The following ITPR2 variants were observed in gnomAD, a reference collection of about 807,000 sequenced individuals.
ITPR2 encodes the protein inositol 1,4,5-trisphosphate receptor type 2.
In ITPR2, 207 loss-of-function variants were observed where a neutral mutation model predicts 317.1. That is an observed-to-expected ratio of 0.65 (90% CI 0.58 to 0.73). The LOEUF (loss-of-function observed/expected upper bound fraction) is 0.73, where lower values mean the gene tolerates loss of function less well. Among genes scored for constraint, ITPR2 ranks in the 30% least tolerant of loss-of-function variants. The pLI is 0.00. For missense variants in ITPR2, 2,613 were observed against 3,284.0 expected (o/e 0.80, Z 4.99); for synonymous variants, 1,156 against 1,149.1 (o/e 1.01, Z -0.12).
intron 1 of ITPR2, among the ~76,000 whole-genome samples, chr12:26,804,796 T>C (rs1184124883): frequency 6.6e-6 from 1 of 152,164 alleles, no homozygotes. Context: ...AATGCAGTGC[T>C]GCAATCCTGG....
intron 49 of ITPR2, among the ~76,000 whole-genome samples, chr12:26,424,246 G>A (rs139879357): frequency 6.6e-6 from 1 of 152,142 alleles, no homozygotes; most frequent in South Asian, 2.1e-4. Flanking sequence ...GACAGATCAG[G>A]CTTTAGTATC....
chr12:26,372,504 G>A (rs186402896), intron 55 of ITPR2, among the ~76,000 whole-genome samples: 15 of 152,320 alleles, frequency 9.8e-5, no homozygotes, highest in African/African-American at 3.4e-4. Context: ...GAGGTTAAAT[G>A]CCTGCCCAAG....
intron 37 of ITPR2, among the ~76,000 whole-genome samples, chr12:26,521,311 T>C (rs1441745308): frequency 6.6e-6 from 1 of 152,156 alleles, no homozygotes; most frequent in Non-Finnish European, 1.5e-5. Context: ...GAAAAATAAT[T>C]TCTATTAATT....
intron 37 of ITPR2, among the ~76,000 whole-genome samples, chr12:26,506,565 C>T (rs1943192206): frequency 6.7e-6 from 1 of 150,048 alleles, no homozygotes; most frequent in African/African-American, 2.5e-5. Context: ...AAACTCATTA[C>T]CTATGGTCGG....
At chr12:26,340,014 G>GGGTTCTACAGTACA (rs1416904654) in intron 56 of ITPR2, among the ~76,000 whole-genome samples, 153 bp downstream of exon 56, 2 of 152,108 alleles carry the variant, frequency 1.3e-5, no homozygotes, top group Non-Finnish European at 2.9e-5. Context: ...CCGTTTGCTG[G>GGGTTCTACAGTACA]GATGTGGTTC....
At chr12:26,775,116 C>T (rs1949936132) in intron 2 of ITPR2, among the ~76,000 whole-genome samples, 1 of 152,130 alleles carries the variant, frequency 6.6e-6, no homozygotes, top group Non-Finnish European at 1.5e-5. Context: ...TTACCTCTAC[C>T]AAGTCTTCCA....
intron 26 of ITPR2, among the ~76,000 whole-genome samples, chr12:26,620,916 T>C (rs575499664): frequency 1.9e-4 from 29 of 152,130 alleles, no homozygotes; most frequent in African/African-American, 6.8e-4. Flanking sequence ...ACTAGATAGA[T>C]GAGGTAAGAA....
rs979164252 is a variant in ITPR2 at position 26,661,641 on chromosome 12, T to G, written c.1713+2044A>C. On this transcript the variant is annotated intron_variant, in intron 15 of 56. Coordinates refer to ENST00000381340, the MANE Select transcript of ITPR2 (RefSeq NM_002223.4). The stretch of plus-strand genomic sequence containing the variant: ...GGGTAGCCTCTATAGACCTGTTAGG[T>G]ATTTTTTCTGTTAATGTCAATCTCT... Among the ~76,000 whole-genome samples, 3 of 152,128 alleles carry G rather than the reference T, an allele frequency of 2.0e-5. No homozygotes were observed. In the East Asian group the frequency reaches 5.8e-4, roughly 29 times the overall value.
At chr12:26,498,928 C>CT (rs953068589) in intron 37 of ITPR2, among the ~76,000 whole-genome samples, 3 of 152,168 alleles carry the variant, frequency 2.0e-5, no homozygotes, top group African/African-American at 7.2e-5. Flanking sequence ...CCTCACACTC[C>CT]TGGCCTCAAG....
chr12:26,419,398 C>T (rs1337305737), intron 49 of ITPR2, 185 bp from the exon 50 acceptor site: 2 of 556,196 alleles, frequency 3.6e-6, no homozygotes, highest in African/African-American at 1.9e-5. Flanking sequence ...CATAATTTCT[C>T]ATTTTGTAGG....
intron 2 of ITPR2, among the ~76,000 whole-genome samples, chr12:26,775,933 C>CATACATATATATAT (rs1555189728): frequency 1.2e-5 from 1 of 85,456 alleles, no homozygotes; most frequent in East Asian, 2.6e-4. Context: ...CTCCCCTTTA[C>CATACATATATATAT]ATATATATAT....
chr12:26,742,813 G>A (rs1384145829), intron 2 of ITPR2, among the ~76,000 whole-genome samples: 1 of 147,684 alleles, frequency 6.8e-6, no homozygotes, highest in African/African-American at 2.5e-5. Context: ...ACTCTGTCTT[G>A]GGAAAAAAAA....
At chr12:26,806,235 T>G (rs919646423) in intron 1 of ITPR2, among the ~76,000 whole-genome samples, 3 of 152,156 alleles carry the variant, frequency 2.0e-5, no homozygotes, top group Admixed American at 6.5e-5. Flanking sequence ...TATAGTGCAG[T>G]TAAGTACTTC....
intron 2 of ITPR2, among the ~76,000 whole-genome samples, chr12:26,759,743 C>T (rs553625782): frequency 1.3e-5 from 2 of 152,330 alleles, no homozygotes; most frequent in Admixed American, 6.5e-5. Flanking sequence ...ATGACCTCCA[C>T]ATCATCTTTT....
rs925579137 is a variant in ITPR2, at chr12:26,495,229, C to T, written c.5105G>A (p.Arg1702Gln). ...GNTLRKILLNRYFKGDYSIGV... is the reference protein window; with the variant it reads ...GNTLRKILLNQYFKGDYSIGV... ...AATACTATAATCACCTTTAAAGTAT[C>T]GATTCAGAAGTATCTTTCTTAATGT... Residue 1702 changes from arginine (R) to glutamine (Q), a missense_variant, in exon 38 of 57, where the codon CGA (arginine) becomes CAA (glutamine). Around this residue, in one of 9 missense-constraint regions of ITPR2, gnomAD observed 926 missense variants for 1,072.8 expected, o/e 0.86. Transcript: ENST00000381340. The T allele has an allele frequency of 5.0e-6, 8 of 1,601,498 alleles. No homozygotes were observed. Among genetic ancestry groups the T allele is most frequent in the Middle Eastern group, 1.6e-4 (1 of 6,070 alleles).
intron 16 of ITPR2, 87 bp from the exon 17 acceptor site, chr12:26,658,217 A>AGTTT: frequency 8.9e-6 from 8 of 896,506 alleles, no homozygotes; most frequent in Non-Finnish European, 1.1e-5. Context: ...GAATATAATA[A>AGTTT]AATAAACTTA....
At chr12:26,784,805 C>A (rs1214492548) in intron 2 of ITPR2, among the ~76,000 whole-genome samples, 1 of 126,338 alleles carries the variant, frequency 7.9e-6, no homozygotes, top group Non-Finnish European at 1.7e-5. Context: ...GGCCCCCCAT[C>A]GTCTGGGATA....
At chr12:26,442,758 G>A (rs1488052938) in intron 46 of ITPR2, among the ~76,000 whole-genome samples, 2 of 152,122 alleles carry the variant, frequency 1.3e-5, no homozygotes, top group Non-Finnish European at 2.9e-5. Flanking sequence ...ACAATACAGT[G>A]TAGGGGTTAT....
intron 37 of ITPR2, among the ~76,000 whole-genome samples, chr12:26,531,681 AC>A (rs1187559739): frequency 3.4e-5 from 5 of 148,138 alleles, no homozygotes; most frequent in Admixed American, 6.8e-5. Flanking sequence ...ACACACACAC[AC>A]AAGTGTGTAT....
Sources: gnomAD v4.1 joint callset for allele counts (sites outside exome capture counted in the v4.1 genomes callset) on GRCh38, gnomAD v4.1.1 for gene constraint, gnomAD v4.1.1 regional missense constraint, MANE v1.5 for transcripts, NCBI Gene and HGNC (gene_info 2026-07-23, HGNC 2026-07-21) for gene names.